The following AMBRA1 variants were observed in gnomAD, a reference collection of about 807,000 sequenced individuals.
AMBRA1 encodes the protein autophagy and beclin 1 regulator 1.
Under a neutral mutation model 125.4 loss-of-function variants are expected in AMBRA1, and 47 were observed. The ratio of observed to expected loss-of-function variants is 0.37; its 90% CI spans 0.30 to 0.48. AMBRA1 has a LOEUF of 0.48. AMBRA1 is among the 20% of genes least tolerant of loss of function. The pLI, the probability that AMBRA1 is intolerant of heterozygous loss-of-function variation, is 0.99. For missense variants in AMBRA1, 1,331 were observed against 1,693.4 expected (o/e 0.79, Z 3.76); for synonymous variants, 626 against 655.5 (o/e 0.95, Z 0.69).
At chr11:46,436,636 C>A (rs545612746) in intron 12 of AMBRA1, among the ~76,000 whole-genome samples, 9 of 151,970 alleles carry the variant, frequency 5.9e-5, no homozygotes, top group Non-Finnish European at 1.2e-4. Context: ...AAGCCCTTTG[C>A]CAAAACAAAA....
At chr11:46,551,491 G>C (rs1468874133) in intron 1 of AMBRA1, among the ~76,000 whole-genome samples, 1 of 152,114 alleles carries the variant, frequency 6.6e-6, no homozygotes, top group Non-Finnish European at 1.5e-5. Flanking sequence ...ATGTTGCCCA[G>C]GCTGGTGCAA....
rs548889697 is a variant in AMBRA1, at chr11:46,428,419, A to G, written c.2976+5055T>C. ...GGGGAGCAAAACTGCATTCTATCCC[A>G]GAGCTTCCTCCTCAACCCAAGTCAA... is the stretch of plus-strand genomic sequence containing the variant. On this transcript the variant is annotated intron_variant, in intron 14 of 17. Coordinates refer to ENST00000683756, the MANE Select transcript of AMBRA1 (RefSeq NM_001387011.1). Among the ~76,000 whole-genome samples the G allele has an allele frequency of 7.8e-4, 119 of 152,290 alleles. 1 individual carries two copies. The highest frequency in any genetic ancestry group is 2.8e-3 in the African/African-American group (116 of 41,574).
chr11:46,470,587 T>TAA (rs1949545564), intron 11 of AMBRA1, among the ~76,000 whole-genome samples: 1 of 59,788 alleles, frequency 1.7e-5, no homozygotes, highest in African/African-American at 1.3e-4. Flanking sequence ...AGACTCCGTC[T>TAA]CAAAAAAAAA....
chr11:46,455,151 T>C (rs571883608), intron 11 of AMBRA1, among the ~76,000 whole-genome samples: 4 of 152,344 alleles, frequency 2.6e-5, no homozygotes, highest in Non-Finnish European at 4.4e-5. Flanking sequence ...CCTCCCAAAT[T>C]GCTGGGATTA....
chr11:46,565,731 A>T (rs894025391), intron 1 of AMBRA1, among the ~76,000 whole-genome samples: 1 of 152,130 alleles, frequency 6.6e-6, no homozygotes, highest in Admixed American at 6.6e-5. Context: ...TAAAAATGTT[A>T]ACAGCAGTTT....
intron 1 of AMBRA1, among the ~76,000 whole-genome samples, chr11:46,586,165 G>A (rs986717183): frequency 1.3e-5 from 2 of 152,204 alleles, no homozygotes; most frequent in African/African-American, 2.4e-5. Flanking sequence ...CCAGCACTTA[G>A]GGAGATCGAG....
chr11:46,551,847 G>C (rs957127368), intron 1 of AMBRA1, among the ~76,000 whole-genome samples: 1 of 152,142 alleles, frequency 6.6e-6, no homozygotes, highest in African/African-American at 2.4e-5. Context: ...GGTCAACATG[G>C]TGAAACCCCA....
chr11:46,491,952 A>G (rs769865475), intron 11 of AMBRA1, among the ~76,000 whole-genome samples: 15 of 152,244 alleles, frequency 9.9e-5, no homozygotes, highest in Admixed American at 2.0e-4. Context: ...ATCTGCCGGC[A>G]GTAGAGAAGC....
intron 11 of AMBRA1, among the ~76,000 whole-genome samples, chr11:46,460,756 G>C (rs890823463): frequency 2.6e-5 from 4 of 152,170 alleles, no homozygotes; most frequent in Non-Finnish European, 5.9e-5. Context: ...AGGGGTCAAA[G>C]GAACTTCAAC....
At chr11:46,528,553 T>C (rs1338450268) in intron 7 of AMBRA1, among the ~76,000 whole-genome samples, 1 of 152,150 alleles carries the variant, frequency 6.6e-6, no homozygotes, top group Non-Finnish European at 1.5e-5. Context: ...TACTGCAAGA[T>C]TCCATTAATA....
At chr11:46,423,465 C>T (rs867620332) in intron 14 of AMBRA1, among the ~76,000 whole-genome samples, 8 of 151,982 alleles carry the variant, frequency 5.3e-5, no homozygotes, top group South Asian at 2.1e-4. Flanking sequence ...GATCTTGGTT[C>T]ACTGCAAGCT....
chr11:46,407,805 C>G (rs747671375), intron 17 of AMBRA1, among the ~76,000 whole-genome samples: 2 of 152,050 alleles, frequency 1.3e-5, no homozygotes, highest in Non-Finnish European at 2.9e-5. Flanking sequence ...GAAAATGTGT[C>G]TGTTTGGAGG....
intron 11 of AMBRA1, among the ~76,000 whole-genome samples, chr11:46,460,038 CT>C (rs1949029758): frequency 6.6e-6 from 1 of 152,070 alleles, no homozygotes. Context: ...AAAATCTGTG[CT>C]ATATAACTGA....
At chr11:46,428,709 T>C in intron 14 of AMBRA1, 1 of 1,606,578 alleles carries the variant, frequency 6.2e-7, no homozygotes, top group Non-Finnish European at 8.5e-7. Context: ...TGGAATTCGG[T>C]TGCTGACCCA....
At chr11:46,533,687 G>A (rs891299267) in intron 7 of AMBRA1, among the ~76,000 whole-genome samples, 36 of 152,070 alleles carry the variant, frequency 2.4e-4, no homozygotes, top group African/African-American at 7.7e-4. Flanking sequence ...TTTAATTTAC[G>A]CTACTTAGCT....
intron 15 of AMBRA1, among the ~76,000 whole-genome samples, chr11:46,415,472 G>A (rs1459970172): frequency 6.6e-6 from 1 of 152,234 alleles, no homozygotes; most frequent in Admixed American, 6.5e-5. Flanking sequence ...ATAGTAAAGT[G>A]AGGAATTCTA....
At chr11:46,531,905 G>T (rs1455830776) in intron 7 of AMBRA1, among the ~76,000 whole-genome samples, 1 of 152,028 alleles carries the variant, frequency 6.6e-6, no homozygotes, top group African/African-American at 2.4e-5. Context: ...ATCACTTGAG[G>T]TTAGGAGTTC....
intron 12 of AMBRA1, among the ~76,000 whole-genome samples, chr11:46,440,792 T>C (rs1432083694): frequency 1.3e-5 from 2 of 152,210 alleles, no homozygotes; most frequent in African/African-American, 4.8e-5. Context: ...CATGAAAAAT[T>C]AAACTGATTT....
chr11:46,472,324 G>A (rs1264745218), intron 11 of AMBRA1, among the ~76,000 whole-genome samples: 1 of 152,160 alleles, frequency 6.6e-6, no homozygotes, highest in South Asian at 2.1e-4. Flanking sequence ...CTTGTCACTG[G>A]AACATCTAAA....
Sources: allele counts gnomAD v4.1 joint callset (sites outside exome capture counted in the v4.1 genomes callset), GRCh38; gene constraint gnomAD v4.1.1; transcripts MANE v1.5; gene names NCBI Gene and HGNC (gene_info 2026-07-23, HGNC 2026-07-21).